SHCBP1: variants seen among roughly 807,000 people sequenced by gnomAD.
The protein encoded by SHCBP1 is SHC SH2 domain-binding protein 1.
Under a neutral mutation model 75.1 loss-of-function variants are expected in SHCBP1, and 60 were observed. The observed-to-expected ratio is 0.80, with a 90% CI of 0.65 to 0.99. The LOEUF is 0.99. SHCBP1 is among the 50% of genes least tolerant of loss of function. SHCBP1 has a pLI of 0.00. For synonymous variants in SHCBP1, 290 were observed against 293.2 expected (o/e 0.99, Z 0.11); for missense variants, 709 against 809.4 (o/e 0.88, Z 1.50).
intron 4 of SHCBP1, among the ~76,000 whole-genome samples, 184 bp downstream of exon 4, chr16:46,615,762 G>T (rs901865276): frequency 1.3e-5 from 2 of 151,884 alleles, no homozygotes; most frequent in Non-Finnish European, 2.9e-5. Flanking sequence ...TAAAAAAAAA[G>T]ATTTAAAACA....
rs1313822437 is a variant in SHCBP1 at position 46,618,248 on chromosome 16, A to C, written c.228T>G (p.Leu76=). 1 of 1,612,984 alleles carries C rather than the reference A, an allele frequency of 6.2e-7. No individual in the cohort carries two copies. Among genetic ancestry groups the C allele is most frequent in the South Asian group, 1.1e-5 (1 of 90,590 alleles). Residue 76 remains leucine, a synonymous_variant, in exon 2 of 13, where the codon CTT becomes CTG. Coordinates refer to ENST00000303383, the MANE Select transcript of SHCBP1 (RefSeq NM_024745.5). ...FFPEIFQTNQ[L]LFYERFRAYQ... Reference sequence around the variant, plus strand: ...AGGCTCTGAATCGCTCATAGAACAAAAGTTGATTTGTTTGGAAAATTTCTG... The same window carrying C: ...AGGCTCTGAATCGCTCATAGAACAACAGTTGATTTGTTTGGAAAATTTCTG...
At chr16:46,615,580 A>G (rs1354340853) in intron 4 of SHCBP1, among the ~76,000 whole-genome samples, 1 of 152,046 alleles carries the variant, frequency 6.6e-6, no homozygotes. Flanking sequence ...TCTCTACTAA[A>G]AATACAAAAA....
At chr16:46,594,640 T>A (rs904961829) in intron 10 of SHCBP1, among the ~76,000 whole-genome samples, 1 of 152,136 alleles carries the variant, frequency 6.6e-6, no homozygotes, top group Non-Finnish European at 1.5e-5. Context: ...CAAACATTGC[T>A]AGTAGGATGG....
In SHCBP1 at chr16:46,581,447, T is replaced by A. The variant is rs192275794; in HGVS notation, c.*282A>T. On this transcript the variant is annotated 3_prime_UTR_variant, in exon 13 of 13. Transcript: ENST00000303383. ...GCTAAAGGTAATTACACTAAAAAGT[T>A]ACTACCAGGCTTAATATGAGAGAAC... is the stretch of plus-strand genomic sequence containing the variant. 3.5e-3 allele frequency: 1,235 copies of A among 356,158 alleles called. 41 individuals are homozygous for A. The Admixed American group carries it at 0.051, about 15-fold the overall frequency. The allele number at this position is 356,158 out of a possible 1,614,324, so 22.1% of individuals were successfully genotyped here.
At chr16:46,609,442 CTTTTTTTT>C (rs71158875) in intron 4 of SHCBP1, among the ~76,000 whole-genome samples, 17 of 61,334 alleles carry the variant, frequency 2.8e-4, no homozygotes, top group South Asian at 2.3e-3. Context: ...CTTTTCTTTT[CTTTTTTTT>C]TTTTTTTTTT....
chr16:46,609,282 G>A (rs1002032645), intron 4 of SHCBP1, among the ~76,000 whole-genome samples: 3 of 151,920 alleles, frequency 2.0e-5, no homozygotes, highest in Non-Finnish European at 2.9e-5. Flanking sequence ...AAGCGAGATC[G>A]CACCACTGCA....
Position 46,616,259 on chromosome 16 carries a change from G to A in SHCBP1, c.388-105C>T, listed in dbSNP as rs538034076. On this transcript the variant is annotated intron_variant, in intron 3 of 12. Transcript: ENST00000303383. This position sits in a 1 kb window ranked among gnomAD's most constrained non-coding sequence, Gnocchi z 4.4. Reference sequence around the variant, plus strand: ...TTTTTTAAAAGCATACAACATGGGTGGGGAGGCTTTACCCATAATATAAAG... The same window carrying A: ...TTTTTTAAAAGCATACAACATGGGTAGGGAGGCTTTACCCATAATATAAAG... 1.3e-4 allele frequency: 146 copies of A among 1,123,206 alleles called. No individual in the cohort carries two copies. The highest frequency in any genetic ancestry group is 1.8e-4 in the Non-Finnish European group (136 of 776,510). The allele number at this position is 1,123,206 out of a possible 1,614,324, so 69.6% of individuals were successfully genotyped here. A position where few individuals can be genotyped will look rare whatever the true frequency, so the allele number is the denominator to read the frequency against.
At chr16:46,587,614 A>C (rs1220035276) in intron 10 of SHCBP1, among the ~76,000 whole-genome samples, 2 of 152,184 alleles carry the variant, frequency 1.3e-5, no homozygotes, top group Non-Finnish European at 2.9e-5. Context: ...GGTGCATATA[A>C]CTATCCTAAA....
At position 46,619,753 on chromosome 16, in the gene SHCBP1, G is replaced by T. The variant is rs1965556724; in HGVS notation, c.104-1381C>A. Among the ~76,000 whole-genome samples, 6 of 152,082 alleles carry T rather than the reference G, an allele frequency of 3.9e-5. No homozygotes were observed. The South Asian group carries it at 1.2e-3, about 32-fold the overall frequency. On this transcript the variant is annotated intron_variant, in intron 1 of 12. Transcript: ENST00000303383. ...ATACATTTAAAGTGTATAACCTGAT[G>T]GCCAGGCACGGTGGCTCACACCTGT...
At chr16:46,609,199 TC>T (rs1313534046) in intron 4 of SHCBP1, among the ~76,000 whole-genome samples, 1 of 151,926 alleles carries the variant, frequency 6.6e-6, no homozygotes, top group Non-Finnish European at 1.5e-5. Context: ...AAAAATTGAT[TC>T]CCCTGCAATT....
Position 46,581,986 on chromosome 16 carries a change from G to C in SHCBP1, c.1762C>G (p.Leu588Val), listed in dbSNP as rs752448168. The C allele has an allele frequency of 5.8e-5, 93 of 1,614,020 alleles. No individual in the cohort carries two copies. The highest frequency in any genetic ancestry group is 7.9e-5 in the Non-Finnish European group (93 of 1,180,038). ...ATTTTACCAGTTGCACACTCAATCA[G>C]CTCTTCTAGATCCACTCTTTCAGCC... ...DVAERVDLEE[L>V]IECATGKMEL... Residue 588 changes from leucine to valine, a missense_variant, in exon 13 of 13, where the codon CTG (leucine) becomes GTG (valine). Coordinates refer to ENST00000303383, the MANE Select transcript of SHCBP1 (RefSeq NM_024745.5).
Position 46,616,122 on chromosome 16 carries a change from T to G in SHCBP1, c.420A>C (p.Ala140=). The part of the protein sequence containing the change: ...ITDVDFAALK[A]VVRLAEPYLC... ...GGTATGGTTCAGCAAGCCTCACCACTGCCTTCAAGGCTGCAAAGTCCACAT... is the reference window on the plus strand; with the variant it reads ...GGTATGGTTCAGCAAGCCTCACCACGGCCTTCAAGGCTGCAAAGTCCACAT... Residue 140 remains alanine, a synonymous_variant, in exon 4 of 13, where the codon GCA becomes GCC. Transcript: ENST00000303383. This position sits in a 1 kb window ranked among gnomAD's most constrained non-coding sequence, Gnocchi z 4.4. 6.2e-7 allele frequency: 1 copy of G among 1,614,202 alleles called. No individual in the cohort carries two copies. The highest frequency in any genetic ancestry group is 8.5e-7 in the Non-Finnish European group (1 of 1,180,026).
rs1436399213 is a variant in SHCBP1, at chr16:46,583,642, G to A, written c.1567C>T (p.His523Tyr). The A allele has an allele frequency of 6.2e-7, 1 of 1,604,468 alleles. No individual in the cohort carries two copies. The change falls in exon 12 of 13, where the codon CAT becomes TAT. Residue 523 changes from histidine (H) to tyrosine (Y), a missense_variant. Physicochemically the swap from His to Tyr is moderately conservative, Grantham distance 83 (BLOSUM62 2). Coordinates refer to ENST00000303383, the MANE Select transcript of SHCBP1 (RefSeq NM_024745.5). ...GILIKDFLDE[H>Y]YDIPKISMVN... Reference sequence around the variant, plus strand: ...ATGGATATCTTGGGAATGTCATAATGTTCATCTAAGAAGTCCTGTGACATT... The same window carrying A: ...ATGGATATCTTGGGAATGTCATAATATTCATCTAAGAAGTCCTGTGACATT...
intron 1 of SHCBP1, among the ~76,000 whole-genome samples, chr16:46,618,589 TCA>T (rs1355109079): frequency 3.9e-5 from 6 of 152,200 alleles, no homozygotes; most frequent in African/African-American, 1.2e-4. Flanking sequence ...TTAAGATCTT[TCA>T]CAGTTAGATT....
At chr16:46,610,661 C>T (rs558097717) in intron 4 of SHCBP1, among the ~76,000 whole-genome samples, 3 of 146,730 alleles carry the variant, frequency 2.0e-5, no homozygotes, top group South Asian at 2.3e-4. Context: ...TGGGTTCAAG[C>T]GATTCTCCTG....
chr16:46,603,473 T>C, intron 8 of SHCBP1, 66 bp downstream of exon 8: 2 of 1,595,726 alleles, frequency 1.3e-6, no homozygotes, highest in Admixed American at 1.7e-5. Flanking sequence ...TCAACAAGAT[T>C]GGTGATTTAT....
chr16:46,593,554 G>T (rs1037108075), intron 10 of SHCBP1, among the ~76,000 whole-genome samples: 19 of 152,022 alleles, frequency 1.2e-4, no homozygotes, highest in Non-Finnish European at 4.4e-5. Flanking sequence ...AACATGGCAA[G>T]ACCCCATCTC....
chr16:46,589,013 C>T (rs1315695088), intron 10 of SHCBP1, among the ~76,000 whole-genome samples: 2 of 151,840 alleles, frequency 1.3e-5, no homozygotes, highest in African/African-American at 4.8e-5. Flanking sequence ...AAGGCTGGTT[C>T]AACATATGCA....
At chr16:46,600,743 T>C (rs546408982) in intron 8 of SHCBP1, among the ~76,000 whole-genome samples, 2 of 152,338 alleles carry the variant, frequency 1.3e-5, no homozygotes, top group East Asian at 3.9e-4. Flanking sequence ...CTGGGTACGG[T>C]GGCGCACGCC....
Sources: allele counts gnomAD v4.1 joint callset (sites outside exome capture counted in the v4.1 genomes callset), GRCh38; gene constraint gnomAD v4.1.1; non-coding constraint Gnocchi (gnomAD v3.1); transcripts MANE v1.5; gene names NCBI Gene and HGNC (gene_info 2026-07-23, HGNC 2026-07-21).